Variants in NRG3 observed in about 807,000 individuals in gnomAD.
NRG3 encodes the protein pro-neuregulin-3, membrane-bound isoform.
A neutral mutation model predicts 66.9 loss-of-function variants in NRG3; 31 were observed. The observed-to-expected ratio is 0.46, with a 90% confidence interval of 0.35 to 0.63. The LOEUF (loss-of-function observed/expected upper bound fraction) is 0.63. Among genes scored for constraint, NRG3 ranks in the 20% least tolerant of loss-of-function variants. The pLI, the probability that NRG3 is intolerant of heterozygous loss-of-function variation, is 0.00. For synonymous variants in NRG3, 393 were observed against 359.4 expected, an observed-to-expected ratio of 1.09 and a Z score of -1.06; for missense variants, 910 against 878.9, an observed-to-expected ratio of 1.04 and a Z score of -0.45.
At chr10:82,974,588 T>C (rs1027139603) in intron 7 of NRG3, among the ~76,000 whole-genome samples, 9 of 152,248 alleles carry the variant, frequency 5.9e-5, no homozygotes, top group Admixed American at 2.0e-4. Context: ...TTATGACTAA[T>C]GCTAGATTGT....
chr10:82,034,534 T>C (rs182049764), intron 1 of NRG3, among the ~76,000 whole-genome samples: 14 of 152,220 alleles, frequency 9.2e-5, no homozygotes, highest in Admixed American at 9.2e-4. Flanking sequence ...ATTTTCCTTA[T>C]ATCTAAAATG....
At chr10:82,094,174 A>G (rs1444069181) in intron 1 of NRG3, among the ~76,000 whole-genome samples, 1 of 152,246 alleles carries the variant, frequency 6.6e-6, no homozygotes, top group Non-Finnish European at 1.5e-5. Flanking sequence ...ATGTCTACAT[A>G]ATAAAAGCAT....
At chr10:82,282,249 CATTTATTTATTT>C (rs5786542) in intron 1 of NRG3, among the ~76,000 whole-genome samples, 27,509 of 148,488 alleles carry the variant, frequency 0.19, 2,808 homozygotes, top group African/African-American at 0.27. Flanking sequence ...GAAAACATTA[CATTTATTTATTT>C]ATTTATTTAT....
At chr10:82,103,835 C>G (rs1253993957) in intron 1 of NRG3, among the ~76,000 whole-genome samples, 5 of 151,868 alleles carry the variant, frequency 3.3e-5, no homozygotes, top group Non-Finnish European at 5.9e-5. Flanking sequence ...TGCATTCTGC[C>G]ACCGGGAAAG....
chr10:81,930,558 A>G (rs979389845), intron 1 of NRG3, among the ~76,000 whole-genome samples: 6 of 151,140 alleles, frequency 4.0e-5, no homozygotes, highest in African/African-American at 1.5e-4. Context: ...AACTTGGTTC[A>G]TTTGCCTGGC....
chr10:82,511,448 A>G (rs1373844608), intron 2 of NRG3, among the ~76,000 whole-genome samples: 4 of 152,138 alleles, frequency 2.6e-5, no homozygotes, highest in Non-Finnish European at 5.9e-5. Context: ...CACACAAACA[A>G]TATCAAAAGC....
intron 1 of NRG3, among the ~76,000 whole-genome samples, chr10:82,333,236 C>T (rs1209742879): frequency 6.6e-6 from 1 of 152,192 alleles, no homozygotes; most frequent in Non-Finnish European, 1.5e-5. Flanking sequence ...AGCTCAGGAT[C>T]TCCCCAGTGG....
chr10:82,981,609 G>A (rs1852909753), intron 8 of NRG3, among the ~76,000 whole-genome samples: 2 of 152,204 alleles, frequency 1.3e-5, no homozygotes, highest in African/African-American at 2.4e-5. Flanking sequence ...GTCTATGACA[G>A]TTAGGCTTCC....
intron 2 of NRG3, among the ~76,000 whole-genome samples, chr10:82,521,042 T>C (rs576294245): frequency 6.6e-6 from 1 of 152,146 alleles, no homozygotes; most frequent in Non-Finnish European, 1.5e-5. Flanking sequence ...ACCTCAAAAG[T>C]ATTGCAAGTT....
chr10:82,872,936 C>T (rs1310201026), intron 4 of NRG3, among the ~76,000 whole-genome samples: 4 of 151,996 alleles, frequency 2.6e-5, no homozygotes, highest in Admixed American at 6.6e-5. Context: ...TATCAGCTTC[C>T]GAGAGTCACC....
At chr10:82,732,960 G>A (rs917600091) in intron 2 of NRG3, among the ~76,000 whole-genome samples, 4 of 152,148 alleles carry the variant, frequency 2.6e-5, no homozygotes, top group African/African-American at 7.2e-5. Flanking sequence ...AAATTGGCAG[G>A]CGTGTATATT....
At chr10:82,485,558 T>C (rs1169345812) in intron 2 of NRG3, among the ~76,000 whole-genome samples, 1 of 150,874 alleles carries the variant, frequency 6.6e-6, no homozygotes, top group Non-Finnish European at 1.5e-5. Context: ...ATGTAACAAT[T>C]ACCTGAAGAT....
intron 2 of NRG3, among the ~76,000 whole-genome samples, chr10:82,541,013 A>G (rs1444819932): frequency 6.6e-6 from 1 of 152,140 alleles, no homozygotes; most frequent in Non-Finnish European, 1.5e-5. Flanking sequence ...TGGCGGGTAC[A>G]CATGTGCAGA....
intron 2 of NRG3, among the ~76,000 whole-genome samples, chr10:82,451,671 A>G (rs1208666958): frequency 3.9e-5 from 6 of 152,158 alleles, no homozygotes; most frequent in African/African-American, 9.7e-5. Flanking sequence ...CAGGGAATGT[A>G]TATCAGCTTT....
At chr10:82,638,073 C>A (rs964778987) in intron 2 of NRG3, among the ~76,000 whole-genome samples, 6 of 152,158 alleles carry the variant, frequency 3.9e-5, no homozygotes, top group African/African-American at 1.4e-4. Flanking sequence ...TTAGTGACTT[C>A]TTGACAAACA....
At chr10:82,841,745 C>A (rs2063066393) in intron 3 of NRG3, among the ~76,000 whole-genome samples, 1 of 152,180 alleles carries the variant, frequency 6.6e-6, no homozygotes, top group Admixed American at 6.5e-5. Context: ...TCTGTCACAG[C>A]AACATCTGAA....
At chr10:82,354,538 C>T (rs1393123073) in intron 1 of NRG3, among the ~76,000 whole-genome samples, 1 of 151,934 alleles carries the variant, frequency 6.6e-6, no homozygotes, top group Non-Finnish European at 1.5e-5. Flanking sequence ...ATACAGGTGC[C>T]TGCCACCATG....
At chr10:82,103,566 A>T (rs752029266) in intron 1 of NRG3, among the ~76,000 whole-genome samples, 1 of 152,142 alleles carries the variant, frequency 6.6e-6, no homozygotes, top group Non-Finnish European at 1.5e-5. Flanking sequence ...GTGGTATTTT[A>T]TATCATATTT....
intron 1 of NRG3, among the ~76,000 whole-genome samples, chr10:82,284,721 GT>G (rs1319242955): frequency 6.6e-6 from 1 of 151,956 alleles, no homozygotes; most frequent in East Asian, 1.9e-4. Context: ...TGAAAAACAG[GT>G]TTCTTGAGTG....
Sources: allele counts gnomAD v4.1 joint callset (sites outside exome capture counted in the v4.1 genomes callset), GRCh38; gene constraint gnomAD v4.1.1; transcripts MANE v1.5; gene names NCBI Gene and HGNC (gene_info 2026-07-23, HGNC 2026-07-21).